The following OBSL1 variants were observed in gnomAD, a reference collection of about 807,000 sequenced individuals.
OBSL1 encodes obscurin-like protein 1.
In OBSL1, 160 loss-of-function variants were observed where a neutral mutation model predicts 172.0. The observed-to-expected ratio is 0.93, with a 90% CI of 0.82 to 1.06. The LOEUF (loss-of-function observed/expected upper bound fraction) is 1.06. OBSL1 is among the 50% of genes least tolerant of loss of function. The pLI, the probability that OBSL1 is intolerant of heterozygous loss-of-function variation, is 0.00. For missense variants in OBSL1, 2,681 were observed against 2,715.4 expected, an observed-to-expected ratio of 0.99 and a Z score of 0.28; for synonymous variants, 1,200 against 1,196.3, an observed-to-expected ratio of 1.00 and a Z score of -0.06.
chr2:219,556,279 C>G lies in OBSL1; in HGVS notation c.4350G>C (p.Leu1450=). The change falls in exon 14 of 21, where the codon CTG becomes CTC. Residue 1450 remains leucine (L), a synonymous_variant. Coordinates refer to ENST00000404537, the MANE Select transcript of OBSL1 (RefSeq NM_015311.3). ...ARLHVRETEL[L]FLRRLQDVRA... is the part of the protein sequence containing the mutation. Reference sequence around the variant, plus strand: ...GCACATCCTGCAACCGCCGTAGGAACAGCAGCTCTGTCTCTGGTGGGGAAG... The same window carrying G: ...GCACATCCTGCAACCGCCGTAGGAAGAGCAGCTCTGTCTCTGGTGGGGAAG... 4 of 1,585,460 alleles carry G rather than the reference C, an allele frequency of 2.5e-6. No individual in the cohort carries two copies. Among genetic ancestry groups the G allele is most frequent in the Non-Finnish European group, 1.7e-6 (2 of 1,162,564 alleles).
chr2:219,567,686 C>T, intron 3 of OBSL1, 32 bp downstream of exon 3: 1 of 1,596,972 alleles, frequency 6.3e-7, no homozygotes, highest in Non-Finnish European at 8.6e-7. Flanking sequence ...TCCTGCCCTG[C>T]CTCGCCTGTC....
downstream of OBSL1, chr2:219,548,152 T>C (rs1437567009): frequency 7.5e-7 from 1 of 1,339,084 alleles, no homozygotes; most frequent in Non-Finnish European, 9.9e-7. Flanking sequence ...GCCAAGTGAC[T>C]GGGGAGTGGG....
downstream of OBSL1, chr2:219,547,304 C>A: frequency 2.2e-6 from 1 of 459,068 alleles, no homozygotes; most frequent in Non-Finnish European, 3.8e-6. Flanking sequence ...CATTGACCAC[C>A]AACAGCCATA....
rs766743799 is a variant in OBSL1 at position 219,558,470 on chromosome 2, G to T, written c.3227-11C>A. 1.3e-6 allele frequency: 2 copies of T among 1,557,968 alleles called. No homozygotes were observed. The highest frequency in any genetic ancestry group is 2.4e-5 in the East Asian group (1 of 42,286). On this transcript the variant is annotated splice_polypyrimidine_tract_variant and intron_variant, in intron 9 of 20. Coordinates refer to ENST00000404537, the MANE Select transcript of OBSL1 (RefSeq NM_015311.3). Reference sequence around the variant, plus strand: ...TCCTCTCTGGTGGGGCTGGTGGGTGGGCATGGAGAGGGGCACATAGGCTTG... The same window carrying T: ...TCCTCTCTGGTGGGGCTGGTGGGTGTGCATGGAGAGGGGCACATAGGCTTG...
Position 219,558,095 on chromosome 2 carries a change from A to G in OBSL1, c.3518T>C (p.Phe1173Ser), listed in dbSNP as rs554298965. Residue 1173 changes from phenylalanine to serine, a missense_variant, in exon 11 of 21, where the codon TTC becomes TCC. This residue lies in a region of OBSL1 where 1,765 missense variants were observed against 1,748.3 expected (regional missense o/e 1.01). Coordinates refer to ENST00000404537, the MANE Select transcript of OBSL1 (RefSeq NM_015311.3). ...NVILAEPPVQ[F>S]LALETTPSPL... ...GCTTGGAGTTGTCTCTAGAGCAAGGAACTGCACTGGAGGCTCTGGAGAAGA... is the reference window on the plus strand; with the variant it reads ...GCTTGGAGTTGTCTCTAGAGCAAGGGACTGCACTGGAGGCTCTGGAGAAGA... 6.2e-7 allele frequency: 1 copy of G among 1,613,642 alleles called. No individual in the cohort carries two copies. The highest frequency in any genetic ancestry group is 2.2e-5 in the East Asian group (1 of 44,874).
rs1357009202 is a variant in OBSL1, at chr2:219,557,249, G to T, written c.4066+94C>A. The T allele has an allele frequency of 5.5e-6, 7 of 1,280,390 alleles. No homozygotes were observed. In the Admixed American group the frequency reaches 2.1e-4, roughly 38 times the overall value. 79.3% of individuals were successfully genotyped at this position (1,280,390 alleles called of 1,614,324 possible). A position where few individuals can be genotyped will look rare whatever the true frequency, so the allele number is the denominator to read the frequency against. On this transcript the variant is annotated intron_variant, in intron 12 of 20. Transcript: ENST00000404537. ...CACGCACTGGTTGGAGCCAGAAGCA[G>T]CAAAGCGGGGGTGGAGGAGTAAGGG...
In OBSL1 at chr2:219,562,639, C is replaced by T. The variant is rs561741868; in HGVS notation, c.2716G>A (p.Val906Met). Residue 906 changes from valine to methionine, a missense_variant, in exon 8 of 21, where the codon GTG becomes ATG. By Grantham distance (21) the Val-to-Met change is conservative (BLOSUM62 1). This residue lies in a region of OBSL1 where 1,765 missense variants were observed against 1,748.3 expected (regional missense o/e 1.01). Transcript: ENST00000404537. ...TCCAGGCGCACGGCTGCCACATACACCTTGCCGCTGGGATACACGATCCAC... is the reference window on the plus strand; with the variant it reads ...TCCAGGCGCACGGCTGCCACATACATCTTGCCGCTGGGATACACGATCCAC... ...SSWIVYPSGK[V>M]YVAAVRLERV... is the part of the protein sequence containing the mutation. 4 of 1,573,750 alleles carry T rather than the reference C, an allele frequency of 2.5e-6. No individual in the cohort carries two copies. The highest frequency in any genetic ancestry group is 1.3e-5 in the African/African-American group (1 of 74,078).
intron 8 of OBSL1, 126 bp from the exon 9 acceptor site, chr2:219,559,623 A>C: frequency 1.2e-6 from 1 of 827,006 alleles, no homozygotes; most frequent in Non-Finnish European, 1.9e-6. Flanking sequence ...ATAATAAGCA[A>C]TAATAGGTCC....
chr2:219,555,126 T>A (rs1034025177), intron 14 of OBSL1: 1 of 227,634 alleles, frequency 4.4e-6, no homozygotes, highest in South Asian at 1.2e-4. Flanking sequence ...TGGACCCCAG[T>A]TGCCCCAGCT....
chr2:219,566,840 G>A lies in OBSL1; in HGVS notation c.2124C>T (p.Leu708=), dbSNP rs749550223. The change falls in exon 5 of 21, where the codon CTC becomes CTT. Residue 708 remains leucine, a synonymous_variant. Coordinates refer to ENST00000404537, the MANE Select transcript of OBSL1 (RefSeq NM_015311.3). ...SCPGVQDSAA[L]TIQESPVHIL... ...CCCACTGGCACCAACCTTGGATTGT[G>A]AGGGCAGCTGAGTCCTGCACGCCGG... 46 of 1,579,806 alleles carry A rather than the reference G, an allele frequency of 2.9e-5. No homozygotes were observed. The highest frequency in any genetic ancestry group is 3.7e-5 in the Non-Finnish European group (43 of 1,156,058).
Position 219,568,239 on chromosome 2 carries a change from G to A in OBSL1, c.1098C>T (p.Asn366=). The A allele has an allele frequency of 6.2e-7, 1 of 1,613,364 alleles. No homozygotes were observed. Among genetic ancestry groups the A allele is most frequent in the Non-Finnish European group, 8.5e-7 (1 of 1,179,768 alleles). ...GIAVLECKVP[N]SRIPTAWFRE... ...GGAACCAGGCCGTGGGGATGCGGGA[G>A]TTGGGTACTTTACATTCCAGCACGG... Residue 366 remains asparagine, a synonymous_variant, in exon 2 of 21, where the codon AAC becomes AAT. Transcript: ENST00000404537. This position sits in a 1 kb window ranked among gnomAD's most constrained non-coding sequence, Gnocchi z 4.1.
At chr2:219,549,714 C>T (rs375826302), downstream of OBSL1, 2 of 1,613,620 alleles carry the variant, frequency 1.2e-6, no homozygotes, top group Non-Finnish European at 8.5e-7. Context: ...TGCTCCCCCA[C>T]AGAGCTATAT....
At chr2:219,549,063 T>A, downstream of OBSL1, 2 of 1,473,322 alleles carry the variant, frequency 1.4e-6, no homozygotes, top group Non-Finnish European at 1.9e-6. Flanking sequence ...TCTGGAAGCC[T>A]AGAGCCACAG....
At chr2:219,557,087 C>A in intron 12 of OBSL1, 1 of 494,068 alleles carries the variant, frequency 2.0e-6, no homozygotes, top group East Asian at 3.1e-5. Flanking sequence ...CACACAGCTA[C>A]TGGGGCACAG....
At chr2:219,549,506 G>A, downstream of OBSL1, 1 of 1,252,642 alleles carries the variant, frequency 8.0e-7, no homozygotes. Flanking sequence ...ATGCACCAGG[G>A]GCTTGGCGGG....
chr2:219,561,640 C>T (rs1416578454), intron 8 of OBSL1: 3 of 400,224 alleles, frequency 7.5e-6, no homozygotes, highest in Admixed American at 5.6e-5. Context: ...TGACTTTCTC[C>T]CAGGCCTCCC....
rs576820480 is a variant in OBSL1, at chr2:219,553,619, G to C, written c.4944C>G (p.Phe1648Leu). 5 of 1,613,916 alleles carry C rather than the reference G, an allele frequency of 3.1e-6. No individual in the cohort carries two copies. The highest frequency in any genetic ancestry group is 1.1e-5 in the South Asian group (1 of 91,064). Residue 1648 changes from phenylalanine to leucine, a missense_variant, in exon 16 of 21, where the codon TTC becomes TTG. Phe to Leu is a conservative substitution (Grantham distance 22). This residue lies in a region of OBSL1 where 1,765 missense variants were observed against 1,748.3 expected (regional missense o/e 1.01). Coordinates refer to ENST00000404537, the MANE Select transcript of OBSL1 (RefSeq NM_015311.3). ...CCAAAGCTTGGGAAAGCTCGCACTC[G>C]AACGTAGCTGTGTCGCCCTCGGTCA... ...LEVTEGDTAT[F>L]ECELSQALAD...
At chr2:219,552,079 A>C in intron 19 of OBSL1, 33 bp downstream of exon 19, 1 of 1,525,394 alleles carries the variant, frequency 6.6e-7, no homozygotes, top group Non-Finnish European at 9.0e-7. Context: ...GACAGGATGT[A>C]CACTCTCTGT....
chr2:219,570,360 G>T lies in OBSL1; in HGVS notation c.873C>A (p.Arg291=). Residue 291 remains arginine (R), a synonymous_variant, in exon 1 of 21, where the codon CGC becomes CGA. Transcript: ENST00000404537. ...CGTCGCGGTCGCGGTACATGAGGCG[G>T]CGGCGGTCCGGGAGCAGCGGGCGGC... The part of the protein sequence containing the change: ...WEGRPLLPDR[R]RLMYRDRDGG... 1 of 1,612,940 alleles carries T rather than the reference G, an allele frequency of 6.2e-7. No individual in the cohort carries two copies. The highest frequency in any genetic ancestry group is 1.3e-5 in the African/African-American group (1 of 75,054).
Sources: gnomAD v4.1 joint callset for allele counts on GRCh38, gnomAD v4.1.1 for gene constraint, gnomAD v4.1.1 regional missense constraint, Gnocchi (gnomAD v3.1) non-coding constraint, MANE v1.5 for transcripts, NCBI Gene and HGNC (gene_info 2026-07-23, HGNC 2026-07-21) for gene names.